SCN4B: variants seen among roughly 807,000 people sequenced by gnomAD.
SCN4B encodes sodium channel regulatory subunit beta-4.
SCN4B carries 20 observed loss-of-function variants against 19.6 expected under a neutral mutation model. The ratio of observed to expected loss-of-function variants is 1.02; its 90% CI spans 0.72 to 1.48. The LOEUF (loss-of-function observed/expected upper bound fraction) is 1.48. SCN4B is among the 40% of genes most tolerant of loss of function. The pLI is 0.00. For missense variants in SCN4B, 271 were observed against 287.5 expected, an observed-to-expected ratio of 0.94 and a Z score of 0.42; for synonymous variants, 127 against 122.8, an observed-to-expected ratio of 1.03 and a Z score of -0.22.
rs1228686208 is a variant in SCN4B at position 118,135,143 on chromosome 11, T to C, written c.*1884A>G. On this transcript the variant is annotated 3_prime_UTR_variant, in exon 5 of 5. Transcript: ENST00000324727. The stretch of plus-strand genomic sequence containing the variant: ...TGGCTGGTGGCTCTGGTCTGTCTGC[T>C]CCCAAAGCCAGGAAAATCTGAGCCC... 1 of 453,978 alleles carries C rather than the reference T, an allele frequency of 2.2e-6. No homozygotes were observed. Among genetic ancestry groups the C allele is most frequent in the Non-Finnish European group, 4.4e-6 (1 of 226,800 alleles). 28.1% of individuals were successfully genotyped at this position (453,978 alleles called of 1,614,324 possible). A position where few individuals can be genotyped will look rare whatever the true frequency, so the allele number is the denominator to read the frequency against.
intron 1 of SCN4B, chr11:118,145,556 G>C (rs1948161744): frequency 9.1e-7 from 1 of 1,095,718 alleles, no homozygotes; most frequent in South Asian, 1.6e-5. Context: ...CCCTCACCTG[G>C]GGACGCAGTG....
At position 118,138,396 on chromosome 11, in the gene SCN4B, C is replaced by T. The variant is rs769225774; in HGVS notation, c.594-1276G>A. 1.3e-5 allele frequency among the ~76,000 whole-genome samples: 2 copies of T among 152,138 alleles called. 1 individual carries two copies. The highest frequency in any genetic ancestry group is 2.9e-5 in the Non-Finnish European group (2 of 68,026). On this transcript the variant is annotated intron_variant, in intron 4 of 4. Transcript: ENST00000324727. Reference sequence around the variant, plus strand: ...TCTGGAAGTTGATAAATGTGACATCCCTAGTGTACTTCAAATGTTAGTAAT... The same window carrying T: ...TCTGGAAGTTGATAAATGTGACATCTCTAGTGTACTTCAAATGTTAGTAAT...
chr11:118,152,519 A>G (rs1948244298), intron 1 of SCN4B, 94 bp downstream of exon 1: 1 of 1,105,478 alleles, frequency 9.0e-7, no homozygotes, highest in Non-Finnish European at 1.4e-6. Flanking sequence ...CGCACTCCAA[A>G]GCCCACCCCA....
At chr11:118,137,372 G>A (rs1314337092) in intron 4 of SCN4B, among the ~76,000 whole-genome samples, 1 of 152,186 alleles carries the variant, frequency 6.6e-6, no homozygotes, top group African/African-American at 2.4e-5. Flanking sequence ...TGCCTGCCAT[G>A]TAGAAAGTTC....
In SCN4B at chr11:118,135,373, C is replaced by G. The variant is rs1298589576; in HGVS notation, c.*1654G>C. On this transcript the variant is annotated 3_prime_UTR_variant, in exon 5 of 5. Transcript: ENST00000324727. ...GACAGGGAGAGCTCTGAGGTAGACC[C>G]CAAACTCTCTGAAAAAGGGGGCTAC... The G allele has an allele frequency of 2.2e-6, 1 of 454,084 alleles. No homozygotes were observed. The highest frequency in any genetic ancestry group is 2.3e-5 in the Admixed American group (1 of 42,570). 28.1% of individuals were successfully genotyped at this position (454,084 alleles called of 1,614,324 possible).
chr11:118,136,918 G>T lies in SCN4B; in HGVS notation c.*109C>A. ...CTTGTGCCCGGAAAGACTACAGTTT[G>T]AGCCAAGCAGCAGATGTCTCAGGCA... On this transcript the variant is annotated 3_prime_UTR_variant, in exon 5 of 5. Coordinates refer to ENST00000324727, the MANE Select transcript of SCN4B (RefSeq NM_174934.4). 1.3e-6 allele frequency: 1 copy of T among 775,596 alleles called. No homozygotes were observed. The allele number at this position is 775,596 out of a possible 1,614,324, so 48.0% of individuals were successfully genotyped here. A position where few individuals can be genotyped will look rare whatever the true frequency, so the allele number is the denominator to read the frequency against.
chr11:118,140,280 G>A (rs1230685414), intron 4 of SCN4B, among the ~76,000 whole-genome samples: 4 of 152,108 alleles, frequency 2.6e-5, no homozygotes, highest in Non-Finnish European at 5.9e-5. Context: ...CAGTTCTGGG[G>A]TCCTCCCCTG....
rs1360305658 is a variant in SCN4B at position 118,136,810 on chromosome 11, CA to C, written c.*216del. ...TCCTTTCTTTCTCCTGAATCTTCCA[CA>C]GACCCCCTCCCCTGGCCATCCCTTG... On this transcript the variant is annotated 3_prime_UTR_variant, in exon 5 of 5. Transcript: ENST00000324727. 1 of 667,326 alleles carries C rather than the reference CA, an allele frequency of 1.5e-6. No individual in the cohort carries two copies. The highest frequency in any genetic ancestry group is 2.8e-6 in the Non-Finnish European group (1 of 363,154). The allele number at this position is 667,326 out of a possible 1,614,324, so 41.3% of individuals were successfully genotyped here. A position where few individuals can be genotyped will look rare whatever the true frequency, so the allele number is the denominator to read the frequency against.
At chr11:118,144,109 G>A (rs745827646) in intron 2 of SCN4B, 48 bp from the exon 3 acceptor site, 58 of 1,333,154 alleles carry the variant, frequency 4.4e-5, no homozygotes, top group East Asian at 2.3e-5. Flanking sequence ...AGAAAGAATC[G>A]GGGTCCTCAA....
rs56708977 is a variant in SCN4B, at chr11:118,138,076, C to CCAACTTCAG, written c.594-965_594-957dup. On this transcript the variant is annotated intron_variant, in intron 4 of 4. Coordinates refer to ENST00000324727, the MANE Select transcript of SCN4B (RefSeq NM_174934.4). ...CTGACCGCTCTGAGCTGGACATGCT[C>CCAACTTCAG]CAACTTCAGTGTGTCCCTCCTCCAC... 5.5e-3 allele frequency among the ~76,000 whole-genome samples: 844 copies of CCAACTTCAG among 152,264 alleles called. 7 individuals are homozygous for CCAACTTCAG. Among genetic ancestry groups the CCAACTTCAG allele is most frequent in the African/African-American group, 0.02 (813 of 41,550 alleles).
chr11:118,136,198 C>T lies in SCN4B; in HGVS notation c.*829G>A, dbSNP rs1948001493. On this transcript the variant is annotated 3_prime_UTR_variant, in exon 5 of 5. Coordinates refer to ENST00000324727, the MANE Select transcript of SCN4B (RefSeq NM_174934.4). ...CATTGGCAGCAATGGGGCGGGCATCCCAGAGGCCCAGGACACTGGCTCACT... is the reference window on the plus strand; with the variant it reads ...CATTGGCAGCAATGGGGCGGGCATCTCAGAGGCCCAGGACACTGGCTCACT... The T allele has an allele frequency of 2.2e-6, 1 of 453,528 alleles. No individual in the cohort carries two copies. Among genetic ancestry groups the T allele is most frequent in the South Asian group, 1.6e-5 (1 of 64,456 alleles). 28.1% of individuals were successfully genotyped at this position (453,528 alleles called of 1,614,324 possible).
chr11:118,147,853 G>C (rs1267942467), intron 1 of SCN4B, among the ~76,000 whole-genome samples: 1 of 152,226 alleles, frequency 6.6e-6, no homozygotes, highest in African/African-American at 2.4e-5. Context: ...GGGTCCTGGA[G>C]GAGATGGGGG....
At chr11:118,149,294 G>A (rs1415362851) in intron 1 of SCN4B, among the ~76,000 whole-genome samples, 2 of 152,212 alleles carry the variant, frequency 1.3e-5, no homozygotes, top group African/African-American at 4.8e-5. Context: ...AAGAGGGGCA[G>A]GCTGGTACCC....
rs183108662 is a variant in SCN4B, at chr11:118,135,312, C to T, written c.*1715G>A. The stretch of plus-strand genomic sequence containing the variant: ...AGGTACTACTGGTCCTCAGTCTCCC[C>T]CCACTCCACCCTTGCGAGGCTTGCA... On this transcript the variant is annotated 3_prime_UTR_variant, in exon 5 of 5. Transcript: ENST00000324727. The T allele has an allele frequency of 1.3e-5, 6 of 454,060 alleles. No individual in the cohort carries two copies. The highest frequency in any genetic ancestry group is 8.0e-5 in the African/African-American group (4 of 50,084). 28.1% of individuals were successfully genotyped at this position (454,060 alleles called of 1,614,324 possible).
chr11:118,151,306 C>T (rs1276709424), intron 1 of SCN4B, among the ~76,000 whole-genome samples: 1 of 152,146 alleles, frequency 6.6e-6, no homozygotes, highest in Non-Finnish European at 1.5e-5. Flanking sequence ...CTCAGTGATC[C>T]TTTACCCCTG....
intron 4 of SCN4B, among the ~76,000 whole-genome samples, chr11:118,140,703 C>A (rs1350457537): frequency 6.6e-6 from 1 of 152,226 alleles, no homozygotes; most frequent in African/African-American, 2.4e-5. Context: ...TCCTAGGGCT[C>A]CCTGGGAGGC....
At chr11:118,139,266 T>C (rs1258893041) in intron 4 of SCN4B, among the ~76,000 whole-genome samples, 2 of 152,152 alleles carry the variant, frequency 1.3e-5, no homozygotes, top group Non-Finnish European at 2.9e-5. Flanking sequence ...TGGCTCTCAG[T>C]GGTGCCTCCA....
At position 118,145,166 on chromosome 11, in the gene SCN4B, T is replaced by C; in HGVS notation, c.125A>G (p.Tyr42Cys). 2.5e-6 allele frequency: 4 copies of C among 1,614,082 alleles called. No individual in the cohort carries two copies. In the South Asian group the frequency reaches 4.4e-5, roughly 18 times the overall value. Residue 42 changes from tyrosine to cysteine, a missense_variant, in exon 2 of 5, where the codon TAC (tyrosine) becomes TGC (cysteine). Transcript: ENST00000324727. ...EVSVGKATDIYAVNGTEILLP... is the reference protein window; with the variant it reads ...EVSVGKATDICAVNGTEILLP... ...CAGGATCTCCGTGCCATTGACAGCG[T>C]AGATGTCGGTGGCCTTTCCCACAGA...
chr11:118,146,205 C>A (rs1180237355), intron 1 of SCN4B, among the ~76,000 whole-genome samples: 1 of 152,200 alleles, frequency 6.6e-6, no homozygotes, highest in Non-Finnish European at 1.5e-5. Flanking sequence ...CGCCCCAGCA[C>A]TCCGATGCGG....
Sources: allele counts gnomAD v4.1 joint callset (sites outside exome capture counted in the v4.1 genomes callset), GRCh38; gene constraint gnomAD v4.1.1; transcripts MANE v1.5; gene names NCBI Gene and HGNC (gene_info 2026-07-23, HGNC 2026-07-21).